The following TMEM107 variants were observed in gnomAD, a reference collection of about 807,000 sequenced individuals.
The protein encoded by TMEM107 is transmembrane protein 107.
A neutral mutation model predicts 16.8 loss-of-function variants in TMEM107; 18 were observed. The observed-to-expected ratio is 1.07, with a 90% CI of 0.74 to 1.59. The LOEUF is 1.59. Among genes scored for constraint, TMEM107 ranks in the 40% most tolerant of loss-of-function variants. TMEM107 has a pLI of 0.00. For synonymous variants in TMEM107, 68 were observed against 71.6 expected (o/e 0.95, Z 0.25); for missense variants, 152 against 175.4 (o/e 0.87, Z 0.75).
Position 8,173,587 on chromosome 17 carries a change from A to G in TMEM107, c.*616T>C, listed in dbSNP as rs368446612. 2.0e-5 allele frequency: 15 copies of G among 763,724 alleles called. No homozygotes were observed. Among genetic ancestry groups the G allele is most frequent in the Non-Finnish European group, 2.9e-5 (12 of 417,008 alleles). 47.3% of individuals were successfully genotyped at this position (763,724 alleles called of 1,614,324 possible). ...CAGGTAAGGATTATCCCACCTGACG[A>G]TACAGACAAACAGCCGACATTCTGC... On this transcript the variant is annotated 3_prime_UTR_variant, in exon 5 of 5. Coordinates refer to ENST00000437139, the MANE Select transcript of TMEM107 (RefSeq NM_183065.4).
In TMEM107 at chr17:8,173,580, C is replaced by A. The variant is rs76749993; in HGVS notation, c.*623G>T. On this transcript the variant is annotated 3_prime_UTR_variant, in exon 5 of 5. Coordinates refer to ENST00000437139, the MANE Select transcript of TMEM107 (RefSeq NM_183065.4). ...GGAGGAACAGGTAAGGATTATCCCACCTGACGATACAGACAAACAGCCGAC... is the reference window on the plus strand; with the variant it reads ...GGAGGAACAGGTAAGGATTATCCCAACTGACGATACAGACAAACAGCCGAC... 2.0e-5 allele frequency: 15 copies of A among 764,168 alleles called. No homozygotes were observed. Among genetic ancestry groups the A allele is most frequent in the South Asian group, 1.7e-4 (13 of 74,452 alleles). 47.3% of individuals were successfully genotyped at this position (764,168 alleles called of 1,614,324 possible).
rs903373489 is a variant in TMEM107, at chr17:8,172,673, A to C, written c.*1530T>G. On this transcript the variant is annotated 3_prime_UTR_variant, in exon 5 of 5. Coordinates refer to ENST00000437139, the MANE Select transcript of TMEM107 (RefSeq NM_183065.4). ...TGGGACCAGCTTGGGCAACACAGTG[A>C]GACCCTGTCTCTATAGAAAAATTTT... Among the ~76,000 whole-genome samples the C allele has an allele frequency of 6.6e-6, 1 of 151,878 alleles. No homozygotes were observed. Among genetic ancestry groups the C allele is most frequent in the Non-Finnish European group, 1.5e-5 (1 of 67,976 alleles).
rs778008256 is a variant in TMEM107 at position 8,175,719 on chromosome 17, TG to T, written c.256+37del. On this transcript the variant is annotated intron_variant, in intron 3 of 4. Transcript: ENST00000437139. ...TGGCTGAAGGGAGTCCTGATAGAAG[TG>T]GGTCGTGTGGGAAAGGTGGGCAGGC... 8 of 1,544,330 alleles carry T rather than the reference TG, an allele frequency of 5.2e-6. No individual in the cohort carries two copies. In the Admixed American group the frequency reaches 1.3e-4, roughly 26 times the overall value.
At position 8,173,595 on chromosome 17, in the gene TMEM107, A is replaced by AG; in HGVS notation, c.*607_*608insC. The AG allele has an allele frequency of 1.3e-6, 1 of 758,254 alleles. No homozygotes were observed. Among genetic ancestry groups the AG allele is most frequent in the Non-Finnish European group, 2.4e-6 (1 of 413,512 alleles). 47.0% of individuals were successfully genotyped at this position (758,254 alleles called of 1,614,324 possible). On this transcript the variant is annotated 3_prime_UTR_variant, in exon 5 of 5. Transcript: ENST00000437139. Reference sequence around the variant, plus strand: ...GATTATCCCACCTGACGATACAGACAAACAGCCGACATTCTGCACTCAGTG... The same window carrying AG: ...GATTATCCCACCTGACGATACAGACAGAACAGCCGACATTCTGCACTCAGTG...
chr17:8,173,408 T>G lies in TMEM107; in HGVS notation c.*795A>C, dbSNP rs563649124. 8 of 730,082 alleles carry G rather than the reference T, an allele frequency of 1.1e-5. No homozygotes were observed. Among genetic ancestry groups the G allele is most frequent in the Non-Finnish European group, 2.0e-5 (8 of 396,218 alleles). The allele number at this position is 730,082 out of a possible 1,614,324, so 45.2% of individuals were successfully genotyped here. A position where few individuals can be genotyped will look rare whatever the true frequency, so the allele number is the denominator to read the frequency against. On this transcript the variant is annotated 3_prime_UTR_variant, in exon 5 of 5. Coordinates refer to ENST00000437139, the MANE Select transcript of TMEM107 (RefSeq NM_183065.4). ...AGAACTTCATAGCTATGTTTGTGGA[T>G]ATCTGCTAATCAGCATAACACAAAT...
rs939788809 is a variant in TMEM107 at position 8,173,688 on chromosome 17, G to A, written c.*515C>T. 3.2e-6 allele frequency: 2 copies of A among 623,472 alleles called. No individual in the cohort carries two copies. Among genetic ancestry groups the A allele is most frequent in the South Asian group, 1.9e-5 (1 of 51,916 alleles). The allele number at this position is 623,472 out of a possible 1,614,324, so 38.6% of individuals were successfully genotyped here. Reference sequence around the variant, plus strand: ...GGTATGAGCAATCCTATTATTTAGCGTCCTTCCAGTTGTTTTGCCATATTA... The same window carrying A: ...GGTATGAGCAATCCTATTATTTAGCATCCTTCCAGTTGTTTTGCCATATTA... On this transcript the variant is annotated 3_prime_UTR_variant, in exon 5 of 5. Transcript: ENST00000437139.
At position 8,173,748 on chromosome 17, in the gene TMEM107, G is replaced by C. The variant is rs1280415285; in HGVS notation, c.*455C>G. ...TTTTTTTAAATTTTTTTTTCATTCG[G>C]CTGCCGAAAAGGAATAAATTACTTC... On this transcript the variant is annotated 3_prime_UTR_variant, in exon 5 of 5. Transcript: ENST00000437139. The C allele has an allele frequency of 7.2e-6, 4 of 551,888 alleles. No homozygotes were observed. Among genetic ancestry groups the C allele is most frequent in the Non-Finnish European group, 1.3e-5 (4 of 310,612 alleles). The allele number at this position is 551,888 out of a possible 1,614,324, so 34.2% of individuals were successfully genotyped here. A position where few individuals can be genotyped will look rare whatever the true frequency, so the allele number is the denominator to read the frequency against.
Position 8,172,877 on chromosome 17 carries a change from C to CAAAA in TMEM107, c.*1322_*1325dup, listed in dbSNP as rs1357679181. On this transcript the variant is annotated 3_prime_UTR_variant, in exon 5 of 5. Coordinates refer to ENST00000437139, the MANE Select transcript of TMEM107 (RefSeq NM_183065.4). ...TCTCAAAAAAAAAAAAAAAAAAAACCAAAAGAGGGGGGTGGTCAACATACC... is the reference window on the plus strand; with the variant it reads ...TCTCAAAAAAAAAAAAAAAAAAAACCAAAAAAAAGAGGGGGGTGGTCAACATACC... Among the ~76,000 whole-genome samples the CAAAA allele has an allele frequency of 0.016, 1,684 of 104,662 alleles. 82 individuals are homozygous for CAAAA. The highest frequency in any genetic ancestry group is 0.019 in the Non-Finnish European group (1,054 of 54,160). The allele number at this position is 104,662 out of a possible 152,430, so 68.7% of individuals were successfully genotyped here.
rs1219889432 is a variant in TMEM107 at position 8,172,870 on chromosome 17, AAAAAACC to A, written c.*1326_*1332del. ...GAGACTGTCTCAAAAAAAAAAAAAAAAAAAACCAAAAGAGGGGGGTGGTCAACATACC... is the reference window on the plus strand; with the variant it reads ...GAGACTGTCTCAAAAAAAAAAAAAAAAAAAGAGGGGGGTGGTCAACATACC... On this transcript the variant is annotated 3_prime_UTR_variant, in exon 5 of 5. Transcript: ENST00000437139. 5.0e-5 allele frequency among the ~76,000 whole-genome samples: 7 copies of A among 139,160 alleles called. No homozygotes were observed. The highest frequency in any genetic ancestry group is 6.6e-5 in the Non-Finnish European group (4 of 60,688). The allele number at this position is 139,160 out of a possible 152,430, so 91.3% of individuals were successfully genotyped here. A position where few individuals can be genotyped will look rare whatever the true frequency, so the allele number is the denominator to read the frequency against.
chr17:8,174,946 C>T (rs1984007117), intron 3 of TMEM107: 1 of 284,862 alleles, frequency 3.5e-6, no homozygotes, highest in African/African-American at 2.2e-5. Flanking sequence ...CTGGAATCAG[C>T]CTCCAGTGTC....
intron 4 of TMEM107, 22 bp downstream of exon 4, chr17:8,174,498 C>T (rs1983966410): frequency 1.2e-6 from 2 of 1,611,286 alleles, no homozygotes; most frequent in Admixed American, 1.7e-5. Context: ...CCCTCATCCC[C>T]AAATATTGGA....
Position 8,174,514 on chromosome 17 carries a change from C to T in TMEM107, c.353+6G>A, listed in dbSNP as rs1983967865. On this transcript the variant is annotated splice_donor_region_variant and intron_variant, in intron 4 of 4. Transcript: ENST00000437139. Reference sequence around the variant, plus strand: ...CCTCATCCCCAAATATTGGATGCTACCACACCTGCAGAAGACAAAAATGTA... The same window carrying T: ...CCTCATCCCCAAATATTGGATGCTATCACACCTGCAGAAGACAAAAATGTA... 6.2e-7 allele frequency: 1 copy of T among 1,613,806 alleles called. No homozygotes were observed. Among genetic ancestry groups the T allele is most frequent in the South Asian group, 1.1e-5 (1 of 91,078 alleles).
At position 8,173,504 on chromosome 17, in the gene TMEM107, T is replaced by A. The variant is rs375321751; in HGVS notation, c.*699A>T. On this transcript the variant is annotated 3_prime_UTR_variant, in exon 5 of 5. Coordinates refer to ENST00000437139, the MANE Select transcript of TMEM107 (RefSeq NM_183065.4). ...GCAAGTCCTGATTACGCAGAGACGT[T>A]AATCACGTTTCATGCATCTCCAATC... 1.3e-6 allele frequency: 1 copy of A among 765,310 alleles called. No homozygotes were observed. Among genetic ancestry groups the A allele is most frequent in the East Asian group, 2.4e-5 (1 of 41,248 alleles). 47.4% of individuals were successfully genotyped at this position (765,310 alleles called of 1,614,324 possible).
chr17:8,174,799 G>C (rs1275035140), intron 3 of TMEM107, 183 bp from the exon 4 acceptor site: 1 of 620,338 alleles, frequency 1.6e-6, no homozygotes, highest in African/African-American at 1.8e-5. Context: ...GGAGAGACCA[G>C]AAGTGACTGC....
chr17:8,173,732 A>T lies in TMEM107; in HGVS notation c.*471T>A, dbSNP rs1195018691. On this transcript the variant is annotated 3_prime_UTR_variant, in exon 5 of 5. Transcript: ENST00000437139. ...CATATTAGCTCGCACATTTTTTTAA[A>T]TTTTTTTTTCATTCGGCTGCCGAAA... The T allele has an allele frequency of 1.1e-5, 6 of 547,268 alleles. No individual in the cohort carries two copies. Among genetic ancestry groups the T allele is most frequent in the Non-Finnish European group, 2.0e-5 (6 of 307,686 alleles). 33.9% of individuals were successfully genotyped at this position (547,268 alleles called of 1,614,324 possible).
Position 8,172,855 on chromosome 17 carries a change from CAAAAAAAAA to C in TMEM107, c.*1339_*1347del, listed in dbSNP as rs143415092. On this transcript the variant is annotated 3_prime_UTR_variant, in exon 5 of 5. Coordinates refer to ENST00000437139, the MANE Select transcript of TMEM107 (RefSeq NM_183065.4). ...CCTGGGCAACAGAGTGAGACTGTCT[CAAAAAAAAA>C]AAAAAAAAAAACCAAAAGAGGGGGG... 2.2e-5 allele frequency among the ~76,000 whole-genome samples: 1 copy of C among 44,810 alleles called. No homozygotes were observed. The highest frequency in any genetic ancestry group is 5.0e-5 in the Non-Finnish European group (1 of 20,046). 29.4% of individuals were successfully genotyped at this position (44,810 alleles called of 152,430 possible).
chr17:8,174,155 G>A lies in TMEM107; in HGVS notation c.*48C>T. On this transcript the variant is annotated 3_prime_UTR_variant, in exon 5 of 5. Transcript: ENST00000437139. ...TTCCTTCTTCCAGGAATACGAAGCG[G>A]CCCTTGCCCCTGTAGGCTTCGTCCT... The A allele has an allele frequency of 6.5e-7, 1 of 1,548,180 alleles. No homozygotes were observed. The highest frequency in any genetic ancestry group is 8.9e-7 in the Non-Finnish European group (1 of 1,120,006).
In TMEM107 at chr17:8,173,216, C is replaced by T. The variant is rs114098265; in HGVS notation, c.*987G>A. ...AGAAGTGAGGATTAAAGTTATCAAA[C>T]GACAAAAAACAAAGAGCCCATTTGT... On this transcript the variant is annotated 3_prime_UTR_variant, in exon 5 of 5. Transcript: ENST00000437139. 1,106 of 426,660 alleles carry T rather than the reference C, an allele frequency of 2.6e-3. 16 individuals carry two copies. The highest frequency in any genetic ancestry group is 0.02 in the African/African-American group (1,012 of 49,624). 26.4% of individuals were successfully genotyped at this position (426,660 alleles called of 1,614,324 possible).
chr17:8,173,784 G>C lies in TMEM107; in HGVS notation c.*419C>G. 3.7e-6 allele frequency: 2 copies of C among 541,436 alleles called. No homozygotes were observed. The highest frequency in any genetic ancestry group is 4.7e-5 in the South Asian group (2 of 42,706). 33.5% of individuals were successfully genotyped at this position (541,436 alleles called of 1,614,324 possible). On this transcript the variant is annotated 3_prime_UTR_variant, in exon 5 of 5. Transcript: ENST00000437139. ...GGAATAAATTACTTCTTCCCAGAATGCTCCGATCAGTTACGTGCCGGACGT... is the reference window on the plus strand; with the variant it reads ...GGAATAAATTACTTCTTCCCAGAATCCTCCGATCAGTTACGTGCCGGACGT...
Sources: allele counts gnomAD v4.1 joint callset (sites outside exome capture counted in the v4.1 genomes callset), GRCh38; gene constraint gnomAD v4.1.1; transcripts MANE v1.5; gene names NCBI Gene and HGNC (gene_info 2026-07-23, HGNC 2026-07-21).